MPO: variants seen among roughly 807,000 people sequenced by gnomAD.
The protein encoded by MPO is myeloperoxidase.
Under a neutral mutation model 69.4 loss-of-function variants are expected in MPO, and 57 were observed. The ratio of observed to expected loss-of-function variants is 0.82; its 90% confidence interval spans 0.66 to 1.02. The LOEUF (loss-of-function observed/expected upper bound fraction) is 1.02. Ranked by LOEUF, MPO falls within the 50% of genes least tolerant of loss-of-function variation. The probability of loss-of-function intolerance (pLI) is 0.00; values close to 1 mark genes in which losing one functional copy is unlikely to be tolerated. For synonymous variants in MPO, 426 were observed against 417.1 expected (o/e 1.02, Z -0.26); for missense variants, 971 against 1,014.1 (o/e 0.96, Z 0.58).
intron 8 of MPO, among the ~76,000 whole-genome samples, chr17:58,274,691 G>A (rs1024135074): frequency 6.6e-5 from 10 of 151,706 alleles, no homozygotes; most frequent in Non-Finnish European, 1.3e-4. Flanking sequence ...GTGGTGGCCC[G>A]TGCTTGAAAT....
intron 9 of MPO, 136 bp downstream of exon 9, chr17:58,273,278 A>G: frequency 7.2e-7 from 1 of 1,380,832 alleles, no homozygotes; most frequent in South Asian, 1.2e-5. Context: ...AGAGGAACTG[A>G]GGCTAGAGAG....
Position 58,275,809 on chromosome 17 carries a change from C to T in MPO, c.1205-107G>A, listed in dbSNP as rs1380291483. On this transcript the variant is annotated intron_variant, in intron 7 of 11. Coordinates refer to ENST00000225275, the MANE Select transcript of MPO (RefSeq NM_000250.2). This position sits in a 1 kb window ranked among gnomAD's most constrained non-coding sequence, Gnocchi z 4.1. ...AAGGCCTGAAATGCCTCCTACTCACCCCTCCTCCCCATCCATCTTTTCAAA... is the reference window on the plus strand; with the variant it reads ...AAGGCCTGAAATGCCTCCTACTCACTCCTCCTCCCCATCCATCTTTTCAAA... 5 of 1,307,488 alleles carry T rather than the reference C, an allele frequency of 3.8e-6. No individual in the cohort carries two copies. The Admixed American group carries it at 7.8e-5, about 20-fold the overall frequency. The allele number at this position is 1,307,488 out of a possible 1,614,324, so 81.0% of individuals were successfully genotyped here. A position where few individuals can be genotyped will look rare whatever the true frequency, so the allele number is the denominator to read the frequency against.
In MPO at chr17:58,270,960, C is replaced by A. The variant is rs1970358798; in HGVS notation, c.2031-97G>T. 5 of 1,362,854 alleles carry A rather than the reference C, an allele frequency of 3.7e-6. No homozygotes were observed. The African/African-American group carries it at 7.2e-5, about 20-fold the overall frequency. The allele number at this position is 1,362,854 out of a possible 1,614,324, so 84.4% of individuals were successfully genotyped here. A position where few individuals can be genotyped will look rare whatever the true frequency, so the allele number is the denominator to read the frequency against. Reference sequence around the variant, plus strand: ...CTGCTCCCAGGATATAACAAAGCCACAACAAATGCCACCTGGAAGCACAGG... The same window carrying A: ...CTGCTCCCAGGATATAACAAAGCCAAAACAAATGCCACCTGGAAGCACAGG... On this transcript the variant is annotated intron_variant, in intron 11 of 11. Transcript: ENST00000225275. This position sits in a 1 kb window ranked among gnomAD's most constrained non-coding sequence, Gnocchi z 4.1.
rs778518485 is a variant in MPO, at chr17:58,270,630, C to A, written c.*26G>T. The stretch of plus-strand genomic sequence containing the variant: ...AACTGGCCAGCCCAGATATACCCCT[C>A]ACTGCTGCACCCCCTTACCTGGCCT... On this transcript the variant is annotated 3_prime_UTR_variant, in exon 12 of 12. Transcript: ENST00000225275. This position sits in a 1 kb window ranked among gnomAD's most constrained non-coding sequence, Gnocchi z 4.1. 1.3e-6 allele frequency: 2 copies of A among 1,577,184 alleles called. No individual in the cohort carries two copies. The highest frequency in any genetic ancestry group is 1.1e-5 in the South Asian group (1 of 87,254).
At chr17:58,272,992 G>T in intron 9 of MPO, 74 bp from the exon 10 acceptor site, 1 of 1,571,450 alleles carries the variant, frequency 6.4e-7, no homozygotes, top group Non-Finnish European at 8.7e-7. Context: ...TCAGGGACAA[G>T]TCCAGGTAGG....
At chr17:58,279,744 G>A (rs1428324129) in intron 3 of MPO, 95 bp downstream of exon 3, 2 of 1,613,276 alleles carry the variant, frequency 1.2e-6, no homozygotes, top group East Asian at 2.2e-5. Flanking sequence ...AGACTCCCTG[G>A]AGGAAGAAGT....
At chr17:58,274,677 G>A (rs1218700447) in intron 8 of MPO, among the ~76,000 whole-genome samples, 1 of 151,566 alleles carries the variant, frequency 6.6e-6, no homozygotes, top group Non-Finnish European at 1.5e-5. Context: ...AAAATTAGCC[G>A]GGCGTGGTGG....
Position 58,279,459 on chromosome 17 carries a change from G to A in MPO, c.549-33C>T, listed in dbSNP as rs1000595006. 5.0e-6 allele frequency: 8 copies of A among 1,611,922 alleles called. No individual in the cohort carries two copies. The African/African-American group carries it at 1.1e-4, about 22-fold the overall frequency. On this transcript the variant is annotated intron_variant, in intron 4 of 11. Coordinates refer to ENST00000225275, the MANE Select transcript of MPO (RefSeq NM_000250.2). ...GGAGGACAGGGCGCTGACACCGGGA[G>A]GCTTGTGGCGTCCGGGACGCCTCTC...
In MPO at chr17:58,272,463, G is replaced by C. The variant is rs111871594; in HGVS notation, c.1792+285C>G. Among the ~76,000 whole-genome samples, 461 of 152,278 alleles carry C rather than the reference G, an allele frequency of 3.0e-3. 3 individuals are homozygous for C. Among genetic ancestry groups the C allele is most frequent in the African/African-American group, 0.011 (441 of 41,544 alleles). On this transcript the variant is annotated intron_variant, in intron 10 of 11. Transcript: ENST00000225275. ...GAGTTAACGTACAATGAAGCAAAAT[G>C]GAATGATGACAGAGACAGATTTTCA...
chr17:58,272,351 G>C (rs1014993626), intron 10 of MPO, among the ~76,000 whole-genome samples: 1 of 152,162 alleles, frequency 6.6e-6, no homozygotes, highest in Non-Finnish European at 1.5e-5. Context: ...CCACTGACTT[G>C]GCTAGAGAAC....
rs142082076 is a variant in MPO at position 58,272,772 on chromosome 17, G to A, written c.1768C>T (p.Arg590Cys). The change falls in exon 10 of 12, where the codon CGC (arginine) becomes TGC (cysteine). Residue 590 changes from arginine (R) to cysteine (C), a missense_variant. Coordinates refer to ENST00000225275, the MANE Select transcript of MPO (RefSeq NM_000250.2). The part of the protein sequence containing the change: ...GLDLPALNMQ[R>C]SRDHGLPGYN... ...CCTGGGAGGCCGTGGTCCCTGCTGC[G>A]CTGCATGTTCAGAGCAGGCAGGTCC... 5.4e-5 allele frequency: 87 copies of A among 1,614,080 alleles called. No individual in the cohort carries two copies. The highest frequency in any genetic ancestry group is 1.6e-4 in the Middle Eastern group (1 of 6,062).
At chr17:58,272,640 T>C in intron 10 of MPO, 108 bp downstream of exon 10, 5 of 1,327,060 alleles carry the variant, frequency 3.8e-6, no homozygotes, top group South Asian at 1.4e-5. Flanking sequence ...GTGCCTCTAA[T>C]ATGCTTTGGA....
Position 58,273,516 on chromosome 17 carries a change from G to A in MPO, c.1519C>T (p.Pro507Ser). The change falls in exon 9 of 12, where the codon CCC becomes TCC. Residue 507 changes from proline to serine, a missense_variant. Coordinates refer to ENST00000225275, the MANE Select transcript of MPO (RefSeq NM_000250.2). ...AFRYGHTLIQ[P>S]FMFRLDNRYQ... ...CGATTGTCCAGGCGGAACATGAAGG[G>A]TTGGATGAGGGTGTGGCCGTAGCGG... 10 of 1,614,226 alleles carry A rather than the reference G, an allele frequency of 6.2e-6. No homozygotes were observed. The highest frequency in any genetic ancestry group is 8.5e-6 in the Non-Finnish European group (10 of 1,180,050).
chr17:58,275,021 C>T lies in MPO; in HGVS notation c.1365+521G>A, dbSNP rs1970418059. On this transcript the variant is annotated intron_variant, in intron 8 of 11. Coordinates refer to ENST00000225275, the MANE Select transcript of MPO (RefSeq NM_000250.2). The surrounding 1 kb of genome is among the most constrained non-coding windows in gnomAD (Gnocchi z 4.1). Reference sequence around the variant, plus strand: ...CTGGGACTACAGGTGCCCGCCACCACGCCCGGCTAATTTTTGTATTTTTAG... The same window carrying T: ...CTGGGACTACAGGTGCCCGCCACCATGCCCGGCTAATTTTTGTATTTTTAG... Among the ~76,000 whole-genome samples the T allele has an allele frequency of 6.6e-6, 1 of 151,716 alleles. No individual in the cohort carries two copies. The highest frequency in any genetic ancestry group is 2.4e-5 in the African/African-American group (1 of 41,376).
chr17:58,271,804 C>A lies in MPO; in HGVS notation c.1881G>T (p.Ala627=), dbSNP rs780457377. The A allele has an allele frequency of 6.2e-7, 1 of 1,614,180 alleles. No individual in the cohort carries two copies. ...TGCCATACTGCTCCATCAGTTTCCT[C>A]GCCAATTTCAGGTTCCTCAGCACCG... The part of the protein sequence containing the change: ...LGTVLRNLKL[A]RKLMEQYGTP... The change falls in exon 11 of 12, where the codon GCG becomes GCT. Residue 627 remains alanine (A), a synonymous_variant. Coordinates refer to ENST00000225275, the MANE Select transcript of MPO (RefSeq NM_000250.2).
chr17:58,279,727 A>G, intron 3 of MPO, 81 bp from the exon 4 acceptor site: 1 of 1,612,060 alleles, frequency 6.2e-7, no homozygotes, highest in Non-Finnish European at 8.5e-7. Context: ...AGCCCTGGAG[A>G]CTCCTGAGAC....
rs1320980149 is a variant in MPO at position 58,277,679 on chromosome 17, A to C, written c.1204+148T>G. 19 of 1,170,858 alleles carry C rather than the reference A, an allele frequency of 1.6e-5. 1 individual carries two copies. The East Asian group carries it at 4.8e-4, about 30-fold the overall frequency. The allele number at this position is 1,170,858 out of a possible 1,614,324, so 72.5% of individuals were successfully genotyped here. ...CTCCATCTGACTTGTTACCAAGGCA[A>C]CTGGATTAATATCATGAAGTTGATA... is the stretch of plus-strand genomic sequence containing the variant. On this transcript the variant is annotated intron_variant, in intron 7 of 11. Coordinates refer to ENST00000225275, the MANE Select transcript of MPO (RefSeq NM_000250.2).
chr17:58,275,533 A>G lies in MPO; in HGVS notation c.1365+9T>C. 1 of 1,614,054 alleles carries G rather than the reference A, an allele frequency of 6.2e-7. No homozygotes were observed. Among genetic ancestry groups the G allele is most frequent in the Non-Finnish European group, 8.5e-7 (1 of 1,179,992 alleles). On this transcript the variant is annotated intron_variant, in intron 8 of 11. Transcript: ENST00000225275. This position sits in a 1 kb window ranked among gnomAD's most constrained non-coding sequence, Gnocchi z 4.1. ...GGATCCCGTGTGCCCGGTGTTCAAG[A>G]CGGCCTACCTGGACCATGGCCCCCA...
intron 6 of MPO, 53 bp downstream of exon 6, chr17:58,278,955 C>G: frequency 2.6e-6 from 4 of 1,546,162 alleles, no homozygotes; most frequent in Non-Finnish European, 3.5e-6. Context: ...TGGCCCCTTC[C>G]AGAAACAATC....
Sources: gnomAD v4.1 joint callset for allele counts (sites outside exome capture counted in the v4.1 genomes callset) on GRCh38, gnomAD v4.1.1 for gene constraint, Gnocchi (gnomAD v3.1) non-coding constraint, MANE v1.5 for transcripts, NCBI Gene and HGNC (gene_info 2026-07-23, HGNC 2026-07-21) for gene names.